The following NREP variants were observed in gnomAD, a reference collection of about 807,000 sequenced individuals.
The protein encoded by NREP is neuronal regeneration-related protein.
In NREP, 5 loss-of-function variants were observed where a neutral mutation model predicts 8.6. The observed-to-expected ratio is 0.58, with a 90% CI of 0.30 to 1.22. The LOEUF is 1.22. Ranked by LOEUF, NREP falls within the 50% of genes most tolerant of loss-of-function variation. The pLI is 0.07. For missense variants in NREP, 86 were observed against 82.5 expected (o/e 1.04, Z -0.17); for synonymous variants, 27 against 28.0 (o/e 0.96, Z 0.11).
At chr5:111,830,561 A>T (rs1050673724) in intron 2 of NREP, among the ~76,000 whole-genome samples, 4 of 152,236 alleles carry the variant, frequency 2.6e-5, no homozygotes, top group African/African-American at 9.6e-5. Context: ...CACAACACTC[A>T]AACTTGAATG....
At chr5:111,770,821 C>G (rs1027955391) in intron 2 of NREP, among the ~76,000 whole-genome samples, 2 of 152,086 alleles carry the variant, frequency 1.3e-5, no homozygotes, top group Admixed American at 1.3e-4. Context: ...CCACCCGCCT[C>G]AGCCTTTCAA....
intron 3 of NREP, chr5:111,734,534 G>C (rs1748923821): frequency 2.3e-6 from 1 of 440,672 alleles, no homozygotes; most frequent in African/African-American, 2.0e-5. Flanking sequence ...TTTTCTTTCA[G>C]TGCAAACTGC....
intron 2 of NREP, among the ~76,000 whole-genome samples, chr5:111,909,148 G>A (rs1356699170): frequency 6.6e-6 from 1 of 151,808 alleles, no homozygotes; most frequent in Non-Finnish European, 1.5e-5. Flanking sequence ...CATAGTTCGC[G>A]AATATTTTCT....
intron 2 of NREP, among the ~76,000 whole-genome samples, chr5:111,782,402 T>G (rs990767503): frequency 6.6e-6 from 1 of 152,252 alleles, no homozygotes; most frequent in East Asian, 1.9e-4. Flanking sequence ...CATCTCTGCA[T>G]GTGTTGGAGT....
intron 2 of NREP, chr5:111,912,380 G>C (rs1357795501): frequency 6.6e-6 from 1 of 152,478 alleles, no homozygotes; most frequent in East Asian, 1.9e-4. Context: ...CACCTTGCCT[G>C]CCCTGTCCCC....
chr5:111,782,916 C>T (rs554200619), intron 2 of NREP, among the ~76,000 whole-genome samples: 20 of 151,934 alleles, frequency 1.3e-4, no homozygotes, highest in South Asian at 2.1e-4. Context: ...TGTATTTAAA[C>T]GAGACAAGGT....
chr5:111,847,450 T>C (rs1421027477), intron 2 of NREP, among the ~76,000 whole-genome samples: 1 of 152,164 alleles, frequency 6.6e-6, no homozygotes, highest in Admixed American at 6.6e-5. Flanking sequence ...TAGGGGTTAG[T>C]GTTTCAACAT....
At chr5:111,799,425 A>G (rs1751950168) in intron 2 of NREP, among the ~76,000 whole-genome samples, 1 of 152,222 alleles carries the variant, frequency 6.6e-6, no homozygotes, top group African/African-American at 2.4e-5. Context: ...TTTCCCAGAA[A>G]ATTTGACATT....
chr5:111,964,866 A>AT (rs1276542249), intron 2 of NREP, among the ~76,000 whole-genome samples: 27 of 108,734 alleles, frequency 2.5e-4, no homozygotes, highest in Non-Finnish European at 3.5e-4. Flanking sequence ...AAAAAAAAAA[A>AT]AAAAAAAAAA....
intron 2 of NREP, among the ~76,000 whole-genome samples, chr5:111,903,639 G>A (rs1320265119): frequency 1.3e-5 from 2 of 151,962 alleles, no homozygotes; most frequent in East Asian, 1.9e-4. Context: ...TACATTTTAG[G>A]GTGATGGTAA....
chr5:111,911,156 C>T (rs1190666557), intron 2 of NREP, among the ~76,000 whole-genome samples: 1 of 152,026 alleles, frequency 6.6e-6, no homozygotes, highest in African/African-American at 2.4e-5. Context: ...CACCCCTGCA[C>T]CCAGTGTTCT....
At chr5:111,942,409 C>T (rs945127046) in intron 2 of NREP, among the ~76,000 whole-genome samples, 1 of 152,016 alleles carries the variant, frequency 6.6e-6, no homozygotes, top group Admixed American at 6.6e-5. Flanking sequence ...GGCTTAAAAA[C>T]AGTCCCTAAA....
chr5:111,866,795 C>CATACA (rs1753675397), intron 2 of NREP, among the ~76,000 whole-genome samples: 4 of 152,010 alleles, frequency 2.6e-5, no homozygotes, highest in Admixed American at 2.6e-4. Context: ...CACATATACA[C>CATACA]CATGGAATAC....
chr5:111,765,983 C>T (rs541166771), intron 2 of NREP, among the ~76,000 whole-genome samples: 1 of 150,032 alleles, frequency 6.7e-6, no homozygotes, highest in Non-Finnish European at 1.5e-5. Context: ...CCAGTTACTC[C>T]ACCACATACT....
intron 2 of NREP, among the ~76,000 whole-genome samples, chr5:111,882,340 G>A (rs915499027): frequency 2.0e-5 from 3 of 152,178 alleles, no homozygotes; most frequent in African/African-American, 4.8e-5. Flanking sequence ...TGAAAAGACT[G>A]AATCTACGTC....
chr5:111,805,210 G>A (rs758382430), intron 2 of NREP, among the ~76,000 whole-genome samples: 1 of 152,138 alleles, frequency 6.6e-6, no homozygotes, highest in Non-Finnish European at 1.5e-5. Context: ...ACAGGCTATG[G>A]GCTCTTTCAT....
intron 2 of NREP, among the ~76,000 whole-genome samples, chr5:111,801,320 G>A (rs551943820): frequency 4.6e-5 from 7 of 152,164 alleles, no homozygotes; most frequent in Non-Finnish European, 7.3e-5. Flanking sequence ...GGTGCTGAGA[G>A]AGGGGGTGCA....
chr5:111,736,744 G>A (rs1232579443), intron 2 of NREP, among the ~76,000 whole-genome samples: 1 of 152,138 alleles, frequency 6.6e-6, no homozygotes, highest in Non-Finnish European at 1.5e-5. Context: ...AAGCAATTTT[G>A]CATACATTAC....
intron 2 of NREP, among the ~76,000 whole-genome samples, chr5:111,925,652 G>C (rs190027332): frequency 6.6e-6 from 1 of 152,176 alleles, no homozygotes. Context: ...AGGAGACAGG[G>C]AAGTATGTTT....
Sources: allele counts gnomAD v4.1 joint callset (sites outside exome capture counted in the v4.1 genomes callset), GRCh38; gene constraint gnomAD v4.1.1; transcripts MANE v1.5; gene names NCBI Gene and HGNC (gene_info 2026-07-23, HGNC 2026-07-21).